Variants in NFATC3 observed in about 807,000 individuals in gnomAD.
NFATC3 encodes nuclear factor of activated T cells 3.
In NFATC3, 46 loss-of-function variants were observed where a neutral mutation model predicts 98.6. That is an observed-to-expected ratio of 0.47 (90% CI 0.37 to 0.60). NFATC3 has a LOEUF of 0.60. Ranked by LOEUF, NFATC3 falls within the 20% of genes least tolerant of loss-of-function variation. The pLI is 0.00. For synonymous variants in NFATC3, 512 were observed against 472.2 expected, an observed-to-expected ratio of 1.08 and a Z score of -1.09; for missense variants, 1,256 against 1,295.5, an observed-to-expected ratio of 0.97 and a Z score of 0.47.
At chr16:68,164,085 A>G (rs1488403172) in intron 4 of NFATC3, among the ~76,000 whole-genome samples, 1 of 152,172 alleles carries the variant, frequency 6.6e-6, no homozygotes, top group Non-Finnish European at 1.5e-5. Flanking sequence ...AGCCGAGATC[A>G]CGCCACTGCA....
At position 68,228,170 on chromosome 16, in the gene NFATC3, A is replaced by T. The variant is rs1483944239; in HGVS notation, c.*1699A>T. ...AAATATATTTTAGATTTCTCCCCTAAAGTTAGTTAGAGAAAAAGGTCTATT... is the reference window on the plus strand; with the variant it reads ...AAATATATTTTAGATTTCTCCCCTATAGTTAGTTAGAGAAAAAGGTCTATT... On this transcript the variant is annotated 3_prime_UTR_variant, in exon 10 of 10. Coordinates refer to ENST00000346183, the MANE Select transcript of NFATC3 (RefSeq NM_173165.3). The T allele has an allele frequency of 1.3e-5, 2 of 152,118 alleles. No individual in the cohort carries two copies. The highest frequency in any genetic ancestry group is 2.9e-5 in the Non-Finnish European group (2 of 68,022). 9.4% of individuals were successfully genotyped at this position (152,118 alleles called of 1,614,324 possible).
intron 3 of NFATC3, chr16:68,138,644 C>T (rs1460864419): frequency 2.3e-6 from 3 of 1,288,660 alleles, no homozygotes; most frequent in Non-Finnish European, 3.0e-6. Context: ...TCAATCATCA[C>T]CACTTACAAT....
At chr16:68,126,688 A>G in intron 3 of NFATC3, 78 bp downstream of exon 3, 1 of 1,444,334 alleles carries the variant, frequency 6.9e-7, no homozygotes, top group Non-Finnish European at 9.5e-7. Context: ...GTTAGGTACT[A>G]GAGAGTGCAA....
At chr16:68,206,449 A>G (rs961673688) in intron 9 of NFATC3, among the ~76,000 whole-genome samples, 3 of 152,116 alleles carry the variant, frequency 2.0e-5, no homozygotes, top group Non-Finnish European at 4.4e-5. Context: ...TTCTGTCTCT[A>G]TGAATTTCCC....
chr16:68,153,008 TAATC>T (rs2038418528), intron 3 of NFATC3, among the ~76,000 whole-genome samples: 1 of 152,186 alleles, frequency 6.6e-6, no homozygotes, highest in South Asian at 2.1e-4. Context: ...AAAAAAATAA[TAATC>T]AGTACATACT....
intron 1 of NFATC3, among the ~76,000 whole-genome samples, chr16:68,116,209 G>T (rs1160835725): frequency 2.0e-5 from 3 of 151,850 alleles, no homozygotes; most frequent in African/African-American, 2.4e-5. Flanking sequence ...ACAATTTTTT[G>T]AAACCATTTA....
rs989092083 is a variant in NFATC3 at position 68,175,885 on chromosome 16, A to G, written c.1915+1371A>G. ...TTTATAAGAATAATATAATATAACA[A>G]ATACTTAAACCTACTACCAAGTTTA... On this transcript the variant is annotated intron_variant, in intron 6 of 9. Transcript: ENST00000346183. 1.1e-4 allele frequency among the ~76,000 whole-genome samples: 16 copies of G among 152,282 alleles called. No homozygotes were observed. In the East Asian group the frequency reaches 2.9e-3, roughly 28 times the overall value.
intron 3 of NFATC3, among the ~76,000 whole-genome samples, chr16:68,136,339 C>T (rs1190161083): frequency 3.3e-5 from 5 of 152,042 alleles, no homozygotes; most frequent in Admixed American, 6.6e-5. Context: ...GCAATGTCAG[C>T]TCGCTGCAAC....
At chr16:68,119,557 A>C (rs1449304318) in intron 1 of NFATC3, among the ~76,000 whole-genome samples, 1 of 152,044 alleles carries the variant, frequency 6.6e-6, no homozygotes, top group African/African-American at 2.4e-5. Context: ...CACTTCAACA[A>C]TGCTGTACCT....
intron 2 of NFATC3, 63 bp from the exon 3 acceptor site, chr16:68,126,385 A>G: frequency 1.3e-6 from 2 of 1,484,916 alleles, no homozygotes; most frequent in Non-Finnish European, 1.8e-6. Context: ...CAAAGAAGCC[A>G]TTTGAATCAT....
At chr16:68,089,256 A>G in intron 1 of NFATC3, 1 of 985,436 alleles carries the variant, frequency 1.0e-6, no homozygotes, top group Non-Finnish European at 1.2e-6. Context: ...TGAATGTCCT[A>G]AGCAAGCTTG....
At chr16:68,166,755 C>G (rs1467907424) in intron 4 of NFATC3, 88 bp from the exon 5 acceptor site, 34 of 1,083,608 alleles carry the variant, frequency 3.1e-5, no homozygotes, top group Admixed American at 5.9e-5. Context: ...TAGTTTTTTT[C>G]TGACAAATTA....
intron 3 of NFATC3, among the ~76,000 whole-genome samples, chr16:68,152,083 C>G (rs918143142): frequency 1.5e-4 from 21 of 142,614 alleles, no homozygotes; most frequent in Non-Finnish European, 3.0e-4. Flanking sequence ...AAAAAAAAGG[C>G]TGGGTGCAGT....
Position 68,174,096 on chromosome 16 carries a change from A to G in NFATC3, c.1775-278A>G, listed in dbSNP as rs539917153. Among the ~76,000 whole-genome samples, 21 of 152,344 alleles carry G rather than the reference A, an allele frequency of 1.4e-4. No homozygotes were observed. In the South Asian group the frequency reaches 3.1e-3, roughly 23 times the overall value. ...CAGGAACTGGAGGCTGCAGGGAGCT[A>G]GGATCACATCACTGTGCTCCAATTT... On this transcript the variant is annotated intron_variant, in intron 5 of 9. Coordinates refer to ENST00000346183, the MANE Select transcript of NFATC3 (RefSeq NM_173165.3).
At chr16:68,098,369 C>A (rs938631242) in intron 1 of NFATC3, among the ~76,000 whole-genome samples, 1 of 143,674 alleles carries the variant, frequency 7.0e-6, no homozygotes, top group Non-Finnish European at 1.5e-5. Context: ...ATGCATATCT[C>A]GGCTCACTGC....
chr16:68,191,089 C>T lies in NFATC3; in HGVS notation c.2420C>T (p.Thr807Ile). 1 of 1,614,220 alleles carries T rather than the reference C, an allele frequency of 6.2e-7. No homozygotes were observed. The highest frequency in any genetic ancestry group is 8.5e-7 in the Non-Finnish European group (1 of 1,180,040). The change falls in exon 9 of 10, where the codon ACT becomes ATT. Residue 807 changes from threonine to isoleucine, a missense_variant. By Grantham distance (89) the Thr-to-Ile change is moderately conservative. Around this residue, in one of 3 missense-constraint regions of NFATC3, gnomAD observed 636 missense variants for 617.3 expected, o/e 1.03. Transcript: ENST00000346183. ...PVGSSYQPMQTNVVYNGPTCL... is the reference protein window; with the variant it reads ...PVGSSYQPMQINVVYNGPTCL... ...GGGTCTTCCTATCAGCCTATGCAAA[C>T]TAATGTTGTGTACAATGGACCAACT... is the stretch of plus-strand genomic sequence containing the variant.
chr16:68,085,853 C>T, intron 1 of NFATC3, 69 bp downstream of exon 1: 4 of 1,214,142 alleles, frequency 3.3e-6, no homozygotes, highest in Non-Finnish European at 4.3e-6. Context: ...TCGCTCCCTC[C>T]CTGTTCCCTT....
At position 68,222,289 on chromosome 16, in the gene NFATC3, CAAAAAAAAAAAAAAAAAAA is replaced by C. The variant is rs58981935; in HGVS notation, c.3107-4042_3107-4024del. 4.2e-3 allele frequency among the ~76,000 whole-genome samples: 112 copies of C among 26,416 alleles called. 1 individual carries two copies. Among genetic ancestry groups the C allele is most frequent in the Middle Eastern group, 0.019 (1 of 52 alleles). 17.3% of individuals were successfully genotyped at this position (26,416 alleles called of 152,430 possible). A position where few individuals can be genotyped will look rare whatever the true frequency, so the allele number is the denominator to read the frequency against. On this transcript the variant is annotated intron_variant, in intron 9 of 9. Coordinates refer to ENST00000346183, the MANE Select transcript of NFATC3 (RefSeq NM_173165.3). The stretch of plus-strand genomic sequence containing the variant: ...GGGCAACAGAGTGAGACCCCATTGC[CAAAAAAAAAAAAAAAAAAA>C]AAAAAAAAAAAAAAAAAATAGAAAA...
intron 9 of NFATC3, chr16:68,209,827 C>G (rs574364249): frequency 2.7e-6 from 1 of 369,430 alleles, no homozygotes; most frequent in South Asian, 2.1e-5. Flanking sequence ...TGGCTAACCC[C>G]CCTGCCCCCC....
Sources: allele counts gnomAD v4.1 joint callset (sites outside exome capture counted in the v4.1 genomes callset), GRCh38; gene constraint gnomAD v4.1.1; regional missense constraint gnomAD v4.1.1; transcripts MANE v1.5; gene names NCBI Gene and HGNC (gene_info 2026-07-23, HGNC 2026-07-21).